The following GNG7 variants were observed in gnomAD, a reference collection of about 807,000 sequenced individuals.
The protein encoded by GNG7 is guanine nucleotide-binding protein G(I)/G(S)/G(O) subunit gamma-7.
Under a neutral mutation model 4.0 loss-of-function variants are expected in GNG7, and 1 was observed. The ratio of observed to expected loss-of-function variants is 0.25; its 90% CI spans 0.09 to 1.18. The LOEUF is 1.18. Among genes scored for constraint, GNG7 ranks in the 50% most tolerant of loss-of-function variants. The pLI is 0.50. For synonymous variants in GNG7, 34 were observed against 36.9 expected, an observed-to-expected ratio of 0.92 and a Z score of 0.29; for missense variants, 86 against 91.9, an observed-to-expected ratio of 0.94 and a Z score of 0.26.
chr19:2,524,874 G>C (rs1265704760), intron 3 of GNG7, among the ~76,000 whole-genome samples: 2 of 152,224 alleles, frequency 1.3e-5, no homozygotes, highest in Non-Finnish European at 2.9e-5. Context: ...GCGTGCGTGG[G>C]TGTGTACATG....
At chr19:2,629,376 C>T (rs374219054) in intron 2 of GNG7, among the ~76,000 whole-genome samples, 4 of 152,160 alleles carry the variant, frequency 2.6e-5, no homozygotes, top group South Asian at 4.1e-4. Flanking sequence ...AGGATGGTGA[C>T]GGTGACAGCA....
At chr19:2,675,255 G>A (rs1366032214) in intron 1 of GNG7, among the ~76,000 whole-genome samples, 5 of 152,176 alleles carry the variant, frequency 3.3e-5, no homozygotes, top group African/African-American at 1.2e-4. Context: ...GTCTCTCTCT[G>A]CAACGGTGGA....
intron 3 of GNG7, among the ~76,000 whole-genome samples, chr19:2,521,369 C>T (rs1253922150): frequency 6.6e-6 from 1 of 152,140 alleles, no homozygotes; most frequent in East Asian, 1.9e-4. Flanking sequence ...TGCCTCAGTC[C>T]ATGGCAGGGG....
chr19:2,616,286 C>T (rs1981721722), intron 2 of GNG7, among the ~76,000 whole-genome samples: 1 of 152,020 alleles, frequency 6.6e-6, no homozygotes, highest in Admixed American at 6.6e-5. Context: ...GCTCTGCTGC[C>T]CAGGCTGGAG....
intron 4 of GNG7, among the ~76,000 whole-genome samples, chr19:2,517,804 G>A (rs975666599): frequency 3.3e-5 from 5 of 152,168 alleles, no homozygotes; most frequent in Non-Finnish European, 4.4e-5. Context: ...GAGCCGCCTC[G>A]CCTGGCCAGT....
intron 2 of GNG7, among the ~76,000 whole-genome samples, chr19:2,624,093 A>G (rs1981950515): frequency 6.6e-6 from 1 of 152,082 alleles, no homozygotes; most frequent in Admixed American, 6.6e-5. Flanking sequence ...ACAGAGATTC[A>G]GTCTGGGAAG....
intron 2 of GNG7, among the ~76,000 whole-genome samples, chr19:2,566,723 C>G (rs530589322): frequency 6.6e-6 from 1 of 152,124 alleles, no homozygotes; most frequent in African/African-American, 2.4e-5. Context: ...TGCAACTGCT[C>G]GACTCAGCCA....
At chr19:2,665,476 C>A (rs1162385986) in intron 1 of GNG7, among the ~76,000 whole-genome samples, 1 of 151,144 alleles carries the variant, frequency 6.6e-6, no homozygotes, top group African/African-American at 2.4e-5. Flanking sequence ...GAGGGCCATG[C>A]GGGACAAAAA....
At chr19:2,695,289 C>G (rs766847471) in intron 1 of GNG7, among the ~76,000 whole-genome samples, 2 of 151,506 alleles carry the variant, frequency 1.3e-5, no homozygotes, top group East Asian at 3.9e-4. Context: ...CTCTCTACCC[C>G]CCTGGACGAC....
At chr19:2,674,510 G>A (rs979998709) in intron 1 of GNG7, among the ~76,000 whole-genome samples, 1 of 151,830 alleles carries the variant, frequency 6.6e-6, no homozygotes, top group Non-Finnish European at 1.5e-5. Flanking sequence ...ATCTCAGCTC[G>A]CTGCAACCTC....
chr19:2,671,473 T>G (rs1244016030), intron 1 of GNG7, among the ~76,000 whole-genome samples: 1 of 151,836 alleles, frequency 6.6e-6, no homozygotes, highest in African/African-American at 2.4e-5. Flanking sequence ...CTCACACGCT[T>G]CCCCCAGCTT....
At chr19:2,642,612 C>G (rs906173495) in intron 2 of GNG7, 16 of 363,888 alleles carry the variant, frequency 4.4e-5, no homozygotes, top group African/African-American at 3.4e-4. Context: ...ACGATCCTCC[C>G]CACTTCAGCC....
intron 1 of GNG7, among the ~76,000 whole-genome samples, chr19:2,684,557 G>T (rs1011412858): frequency 6.6e-6 from 1 of 152,190 alleles, no homozygotes; most frequent in Non-Finnish European, 1.5e-5. Context: ...TTCAACAGCA[G>T]GCAATCCTGA....
At position 2,634,403 on chromosome 19, in the gene GNG7, C is replaced by T. The variant is rs1398328754; in HGVS notation, c.-78+11821G>A. On this transcript the variant is annotated intron_variant, in intron 2 of 4. Transcript: ENST00000382159. The surrounding 1 kb of genome is among the most constrained non-coding windows in gnomAD (Gnocchi z 5.3). ...TGTCCCCGGGGTTGGGGGTGGGGGG[C>T]GGCATCACCCAGATGACCCCTGCTA... Among the ~76,000 whole-genome samples, 9 of 152,094 alleles carry T rather than the reference C, an allele frequency of 5.9e-5. No homozygotes were observed. Among genetic ancestry groups the T allele is most frequent in the Non-Finnish European group, 1.3e-4 (9 of 68,004 alleles).
At chr19:2,599,732 T>C (rs1599414374) in intron 2 of GNG7, among the ~76,000 whole-genome samples, 1 of 151,798 alleles carries the variant, frequency 6.6e-6, no homozygotes, top group African/African-American at 2.4e-5. Context: ...CGGTCAGGAG[T>C]TCGAGACCAG....
intron 3 of GNG7, among the ~76,000 whole-genome samples, chr19:2,545,264 C>T (rs1979088192): frequency 6.6e-6 from 1 of 152,156 alleles, no homozygotes; most frequent in Admixed American, 6.5e-5. Context: ...GCTCAGCACC[C>T]TGCAGTGCCC....
chr19:2,679,187 C>G (rs1422203288), intron 1 of GNG7, among the ~76,000 whole-genome samples: 1 of 151,970 alleles, frequency 6.6e-6, no homozygotes, highest in East Asian at 1.9e-4. Context: ...GCAGCTGGGA[C>G]CACAGGTGTG....
At chr19:2,682,124 G>T (rs1482005101) in intron 1 of GNG7, among the ~76,000 whole-genome samples, 1 of 151,596 alleles carries the variant, frequency 6.6e-6, no homozygotes, top group African/African-American at 2.4e-5. Flanking sequence ...GGCCAGGCTG[G>T]TCTTGAACTC....
intron 3 of GNG7, among the ~76,000 whole-genome samples, chr19:2,536,033 G>A (rs571362405): frequency 6.6e-6 from 1 of 152,290 alleles, no homozygotes; most frequent in East Asian, 1.9e-4. Context: ...GCTGAGGCAG[G>A]AGGATCGCTT....
Sources: allele counts gnomAD v4.1 joint callset (sites outside exome capture counted in the v4.1 genomes callset), GRCh38; gene constraint gnomAD v4.1.1; non-coding constraint Gnocchi (gnomAD v3.1); transcripts MANE v1.5; gene names NCBI Gene and HGNC (gene_info 2026-07-23, HGNC 2026-07-21).